Variants in SLX4IP observed in about 807,000 individuals in gnomAD.
The protein encoded by SLX4IP is protein SLX4IP.
A neutral mutation model predicts 32.9 loss-of-function variants in SLX4IP; 34 were observed. The ratio of observed to expected loss-of-function variants is 1.03; its 90% CI spans 0.79 to 1.38. SLX4IP has a LOEUF of 1.38. Ranked by LOEUF, SLX4IP falls within the 40% of genes most tolerant of loss-of-function variation. The probability of loss-of-function intolerance (pLI) is 0.00; values close to 1 mark genes in which losing one functional copy is unlikely to be tolerated. For missense variants in SLX4IP, 444 were observed against 479.0 expected, an observed-to-expected ratio of 0.93 and a Z score of 0.68; for synonymous variants, 172 against 171.7, an observed-to-expected ratio of 1.00 and a Z score of -0.01.
At chr20:10,579,314 G>C (rs1388611880) in intron 4 of SLX4IP, among the ~76,000 whole-genome samples, 1 of 152,122 alleles carries the variant, frequency 6.6e-6, no homozygotes, top group Non-Finnish European at 1.5e-5. Flanking sequence ...TTGTTGAAAA[G>C]ACTATTCTAT....
intron 3 of SLX4IP, among the ~76,000 whole-genome samples, chr20:10,558,341 C>CAAAA (rs36028561): frequency 1.0e-4 from 8 of 79,492 alleles, no homozygotes; most frequent in East Asian, 3.8e-4. Flanking sequence ...GACCCTGTCT[C>CAAAA]AAAAAAAAAA....
intron 2 of SLX4IP, among the ~76,000 whole-genome samples, chr20:10,466,300 G>T (rs951306772): frequency 1.3e-5 from 2 of 152,128 alleles, no homozygotes; most frequent in South Asian, 2.1e-4. Context: ...GGGTCCCAGC[G>T]GAGCAGTGCT....
At chr20:10,574,830 G>A (rs1246467680) in intron 4 of SLX4IP, among the ~76,000 whole-genome samples, 9 of 151,954 alleles carry the variant, frequency 5.9e-5, no homozygotes, top group African/African-American at 2.2e-4. Context: ...GTGCCACCAC[G>A]CCCAGCTAAT....
At chr20:10,452,304 G>A (rs1011978663) in intron 1 of SLX4IP, among the ~76,000 whole-genome samples, 1 of 152,178 alleles carries the variant, frequency 6.6e-6, no homozygotes, top group Non-Finnish European at 1.5e-5. Flanking sequence ...GCTGAGGCTG[G>A]TGGATTGCTT....
chr20:10,555,205 A>C (rs538587234), intron 2 of SLX4IP, among the ~76,000 whole-genome samples: 114 of 152,164 alleles, frequency 7.5e-4, no homozygotes, highest in Middle Eastern at 3.4e-3. Flanking sequence ...TTAAAAAAAA[A>C]AAAACAAAAC....
At chr20:10,579,681 C>A (rs1357205035) in intron 4 of SLX4IP, among the ~76,000 whole-genome samples, 1 of 152,216 alleles carries the variant, frequency 6.6e-6, no homozygotes, top group African/African-American at 2.4e-5. Flanking sequence ...CCGCCTTGAC[C>A]TCCCAAAGTG....
At chr20:10,497,947 T>G (rs1474373586) in intron 2 of SLX4IP, among the ~76,000 whole-genome samples, 1 of 151,950 alleles carries the variant, frequency 6.6e-6, no homozygotes, top group Non-Finnish European at 1.5e-5. Flanking sequence ...CTTTCTCTTC[T>G]CTCTACTCCT....
intron 2 of SLX4IP, among the ~76,000 whole-genome samples, chr20:10,548,159 C>A (rs2066182264): frequency 6.6e-6 from 1 of 152,116 alleles, no homozygotes; most frequent in Non-Finnish European, 1.5e-5. Context: ...TAAACTGGGG[C>A]ATTATTAGAA....
At chr20:10,580,378 C>G (rs2066570559) in intron 4 of SLX4IP, among the ~76,000 whole-genome samples, 1 of 151,946 alleles carries the variant, frequency 6.6e-6, no homozygotes, top group African/African-American at 2.4e-5. Context: ...GTGCCCTCCG[C>G]TTCTCAGTCC....
chr20:10,584,759 A>T (rs1031881098), intron 4 of SLX4IP, among the ~76,000 whole-genome samples: 1 of 152,222 alleles, frequency 6.6e-6, no homozygotes, highest in African/African-American at 2.4e-5. Flanking sequence ...ATAGATGCTT[A>T]TTTGAGCTTG....
chr20:10,514,604 GCCA>G (rs2065834889), intron 2 of SLX4IP, among the ~76,000 whole-genome samples: 1 of 152,286 alleles, frequency 6.6e-6, no homozygotes, highest in East Asian at 1.9e-4. Flanking sequence ...CTTTTAATGG[GCCA>G]CTTGGGAGCC....
chr20:10,472,569 G>T (rs1403272079), intron 2 of SLX4IP, among the ~76,000 whole-genome samples: 1 of 152,118 alleles, frequency 6.6e-6, no homozygotes, highest in Admixed American at 6.6e-5. Flanking sequence ...ATTTTTGTGT[G>T]CATGGTATAA....
At chr20:10,510,432 T>C (rs904810600) in intron 2 of SLX4IP, among the ~76,000 whole-genome samples, 1 of 152,154 alleles carries the variant, frequency 6.6e-6, no homozygotes, top group Non-Finnish European at 1.5e-5. Flanking sequence ...ACAGGCCCAT[T>C]GTGCAGTCAA....
chr20:10,616,429 A>T (rs2067032171), intron 6 of SLX4IP, among the ~76,000 whole-genome samples: 1 of 150,832 alleles, frequency 6.6e-6, no homozygotes, highest in African/African-American at 2.5e-5. Context: ...TAAATAAATA[A>T]ATAAAATGTC....
chr20:10,521,195 C>T (rs1480395891), intron 2 of SLX4IP, among the ~76,000 whole-genome samples: 1 of 152,286 alleles, frequency 6.6e-6, no homozygotes, highest in Non-Finnish European at 1.5e-5. Context: ...CTTACTCTCC[C>T]GCAGCTCTTA....
At chr20:10,537,627 A>C (rs1442761658) in intron 2 of SLX4IP, among the ~76,000 whole-genome samples, 1 of 152,192 alleles carries the variant, frequency 6.6e-6, no homozygotes, top group Non-Finnish European at 1.5e-5. Context: ...TTTACAGTTC[A>C]GTTGATTCAT....
intron 2 of SLX4IP, among the ~76,000 whole-genome samples, chr20:10,553,391 T>C (rs2066237088): frequency 6.6e-6 from 1 of 152,216 alleles, no homozygotes; most frequent in Non-Finnish European, 1.5e-5. Flanking sequence ...TTCAGTGTAA[T>C]TGGTTTTCTT....
At chr20:10,519,075 A>G (rs694366) in intron 2 of SLX4IP, among the ~76,000 whole-genome samples, 90,202 of 151,618 alleles carry the variant, frequency 0.59, 27,164 homozygotes, top group South Asian at 0.74. Context: ...ATAATAAAAT[A>G]CACCCATGTA....
At chr20:10,484,099 T>C (rs573254578) in intron 2 of SLX4IP, among the ~76,000 whole-genome samples, 3 of 152,144 alleles carry the variant, frequency 2.0e-5, no homozygotes, top group Non-Finnish European at 4.4e-5. Flanking sequence ...TTCATTTCCT[T>C]AGGAAGGCTC....
Sources: gnomAD v4.1 joint callset for allele counts (sites outside exome capture counted in the v4.1 genomes callset) on GRCh38, gnomAD v4.1.1 for gene constraint, MANE v1.5 for transcripts, NCBI Gene and HGNC (gene_info 2026-07-23, HGNC 2026-07-21) for gene names.